Variants in PROM1 observed in about 807,000 individuals in gnomAD.
The protein encoded by PROM1 is prominin 1, also known as prominin-1.
PROM1 carries 105 observed loss-of-function variants against 116.9 expected under a neutral mutation model. The ratio of observed to expected loss-of-function variants is 0.90; its 90% CI spans 0.77 to 1.06. PROM1 has a LOEUF of 1.06. Ranked by LOEUF, PROM1 falls within the 50% of genes least tolerant of loss-of-function variation. The probability of loss-of-function intolerance (pLI) is 0.00; values close to 1 mark genes in which losing one functional copy is unlikely to be tolerated. For missense variants in PROM1, 1,122 were observed against 1,045.2 expected (o/e 1.07, Z -1.01); for synonymous variants, 393 against 387.0 (o/e 1.02, Z -0.18).
chr4:15,989,782 T>G lies in PROM1; in HGVS notation c.2026A>C (p.Thr676Pro). Residue 676 changes from threonine to proline, a missense_variant, in exon 19 of 28, where the codon ACT becomes CCT. Transcript: ENST00000447510. ...CGTTGCTGGTGAATTGTTTTAATAG[T>G]TTGTGCATCTCTTTTCAGGGAGTTC... ...LRNSLKRDAQTIKTIHQQRVL... is the reference protein window; with the variant it reads ...LRNSLKRDAQPIKTIHQQRVL... 1.2e-6 allele frequency: 2 copies of G among 1,610,128 alleles called. No homozygotes were observed. Among genetic ancestry groups the G allele is most frequent in the Non-Finnish European group, 1.7e-6 (2 of 1,177,902 alleles).
Position 15,984,277 on chromosome 4 carries a change from T to C in PROM1, c.2359A>G (p.Ile787Val). The change falls in exon 23 of 28, where the codon ATT (isoleucine) becomes GTT (valine). Residue 787 changes from isoleucine (I) to valine (V), a missense_variant. Ile to Val is a conservative substitution (Grantham distance 29, BLOSUM62 3). Coordinates refer to ENST00000447510, the MANE Select transcript of PROM1 (RefSeq NM_006017.3). ...TAVDVFLCSY[I>V]IDPLNLFWFG... ...TGAAATCTTACCAAGGGGTCGATAA[T>C]GTAGCTACACAGAAAGACATCAACA... The C allele has an allele frequency of 6.2e-7, 1 of 1,603,182 alleles. No homozygotes were observed. The highest frequency in any genetic ancestry group is 1.1e-5 in the South Asian group (1 of 89,420).
chr4:15,991,146 G>A (rs975796422), intron 18 of PROM1, 76 bp downstream of exon 18: 25 of 1,219,408 alleles, frequency 2.1e-5, no homozygotes, highest in Middle Eastern at 1.9e-4. Context: ...AACCTCTCCA[G>A]CAGCTTCCCT....
chr4:16,052,073 A>G (rs188846185), intron 2 of PROM1, among the ~76,000 whole-genome samples: 15 of 152,190 alleles, frequency 9.9e-5, no homozygotes, highest in African/African-American at 3.6e-4. Context: ...TGTTGGATCT[A>G]TATCTACGCC....
At chr4:15,995,673 C>T (rs775315707) in intron 15 of PROM1, among the ~76,000 whole-genome samples, 4 of 152,122 alleles carry the variant, frequency 2.6e-5, no homozygotes, top group East Asian at 1.9e-4. Flanking sequence ...CTGTGTCCCT[C>T]GGCCGAGGTA....
chr4:15,981,472 T>C (rs558345760), intron 23 of PROM1, among the ~76,000 whole-genome samples: 2 of 151,552 alleles, frequency 1.3e-5, no homozygotes, highest in African/African-American at 4.8e-5. Flanking sequence ...CTCGGGAGGC[T>C]GAGGCAGGAG....
chr4:16,033,040 AT>A (rs1468807178), intron 5 of PROM1, among the ~76,000 whole-genome samples: 1 of 152,158 alleles, frequency 6.6e-6, no homozygotes, highest in Non-Finnish European at 1.5e-5. Flanking sequence ...ATTTCTCAGG[AT>A]ACCTTCAAGA....
chr4:15,984,804 T>C (rs1439911100), intron 22 of PROM1, among the ~76,000 whole-genome samples: 3 of 152,250 alleles, frequency 2.0e-5, no homozygotes, highest in African/African-American at 7.2e-5. Flanking sequence ...GTGAATTGCA[T>C]AATTATTTCA....
intron 2 of PROM1, among the ~76,000 whole-genome samples, chr4:16,072,016 T>C (rs1473729497): frequency 1.3e-5 from 2 of 152,120 alleles, no homozygotes; most frequent in Non-Finnish European, 2.9e-5. Flanking sequence ...TGTAGAGTAA[T>C]CCTTTTGCAG....
intron 13 of PROM1, among the ~76,000 whole-genome samples, chr4:16,002,336 C>T (rs16892760): frequency 0.015 from 2,346 of 152,248 alleles, 55 homozygotes; most frequent in African/African-American, 0.052. Context: ...GTACCCGGTG[C>T]GTAGCTTTTC....
chr4:15,988,707 T>C (rs1720157726), intron 19 of PROM1, among the ~76,000 whole-genome samples: 1 of 152,050 alleles, frequency 6.6e-6, no homozygotes, highest in Admixed American at 6.6e-5. Flanking sequence ...AAAAAGCATT[T>C]AAAAAAATGC....
At chr4:16,044,178 A>G (rs1299792251) in intron 2 of PROM1, among the ~76,000 whole-genome samples, 1 of 152,230 alleles carries the variant, frequency 6.6e-6, no homozygotes, top group African/African-American at 2.4e-5. Context: ...CGTCTTCTTT[A>G]TGTGAGTCAA....
At chr4:15,977,356 A>G (rs1716419367) in intron 26 of PROM1, among the ~76,000 whole-genome samples, 1 of 152,180 alleles carries the variant, frequency 6.6e-6, no homozygotes, top group Non-Finnish European at 1.5e-5. Flanking sequence ...GTAATTGAGA[A>G]CAGCTGTCCT....
At chr4:15,982,804 T>C (rs543106254) in intron 23 of PROM1, among the ~76,000 whole-genome samples, 1 of 152,252 alleles carries the variant, frequency 6.6e-6, no homozygotes, top group South Asian at 2.1e-4. Context: ...AGAAAAGTAG[T>C]TGCAAGAAGA....
At chr4:16,024,211 G>T in intron 7 of PROM1, 84 bp downstream of exon 7, 1 of 1,219,586 alleles carries the variant, frequency 8.2e-7, no homozygotes, top group Non-Finnish European at 1.2e-6. Flanking sequence ...CAACTTTCAC[G>T]TACGTCATTT....
intron 20 of PROM1, 126 bp downstream of exon 20, chr4:15,987,536 TA>T: frequency 1.0e-6 from 1 of 1,004,046 alleles, no homozygotes; most frequent in Non-Finnish European, 1.5e-6. Context: ...ATTTGCTATT[TA>T]AAATAGGTAG....
intron 3 of PROM1, among the ~76,000 whole-genome samples, chr4:16,036,528 C>G (rs967909): frequency 6.6e-6 from 1 of 152,030 alleles, no homozygotes; most frequent in Non-Finnish European, 1.5e-5. Context: ...GGAAGGGGCA[C>G]GCAGGCTTGT....
chr4:16,077,759 C>T (rs1042408909), intron 1 of PROM1, among the ~76,000 whole-genome samples: 1 of 152,188 alleles, frequency 6.6e-6, no homozygotes, highest in Non-Finnish European at 1.5e-5. Context: ...ACTGGGGCCC[C>T]AGCAATCCAG....
chr4:16,024,240 G>A, intron 7 of PROM1, 55 bp downstream of exon 7: 1 of 1,452,384 alleles, frequency 6.9e-7, no homozygotes, highest in South Asian at 1.2e-5. Context: ...ATGTTTTATG[G>A]GAGATGAGTC....
chr4:16,022,172 G>A (rs1301595426), intron 8 of PROM1, among the ~76,000 whole-genome samples: 1 of 151,722 alleles, frequency 6.6e-6, no homozygotes. Context: ...AGGAAGGAAA[G>A]AAAGAAGGAA....
Sources: gnomAD v4.1 joint callset for allele counts (sites outside exome capture counted in the v4.1 genomes callset) on GRCh38, gnomAD v4.1.1 for gene constraint, MANE v1.5 for transcripts, NCBI Gene and HGNC (gene_info 2026-07-23, HGNC 2026-07-21) for gene names.